The following HIPK2 variants were observed in gnomAD, a reference collection of about 807,000 sequenced individuals.
HIPK2 encodes homeodomain interacting protein kinase 2.
Under a neutral mutation model 113.7 loss-of-function variants are expected in HIPK2, and 27 were observed. The ratio of observed to expected loss-of-function variants is 0.24; its 90% CI spans 0.17 to 0.33. The LOEUF is 0.33. HIPK2 is among the 10% of genes least tolerant of loss of function. The probability of loss-of-function intolerance (pLI) is 1.00; values close to 1 mark genes in which losing one functional copy is unlikely to be tolerated. For synonymous variants in HIPK2, 631 were observed against 642.2 expected (o/e 0.98, Z 0.26); for missense variants, 1,257 against 1,588.0 (o/e 0.79, Z 3.54).
intron 1 of HIPK2, among the ~76,000 whole-genome samples, chr7:139,753,241 C>A (rs562041187): frequency 6.6e-6 from 1 of 152,324 alleles, no homozygotes; most frequent in East Asian, 1.9e-4. Context: ...CATTACCAGG[C>A]ATGCCCTCTG....
chr7:139,766,503 A>G (rs1348377330), intron 1 of HIPK2, among the ~76,000 whole-genome samples: 1 of 152,182 alleles, frequency 6.6e-6, no homozygotes, highest in African/African-American at 2.4e-5. Context: ...CAAGAGTGTC[A>G]CAGAAATCTG....
At chr7:139,732,853 G>T (rs1795836573) in intron 1 of HIPK2, among the ~76,000 whole-genome samples, 1 of 147,656 alleles carries the variant, frequency 6.8e-6, no homozygotes, top group Non-Finnish European at 1.5e-5. Flanking sequence ...GTATAAAATA[G>T]TGAGTCCCTG....
At chr7:139,758,535 A>T (rs890540161) in intron 1 of HIPK2, among the ~76,000 whole-genome samples, 1 of 152,168 alleles carries the variant, frequency 6.6e-6, no homozygotes, top group African/African-American at 2.4e-5. Flanking sequence ...GTTAGGAACC[A>T]GGCCACACAG....
intron 2 of HIPK2, among the ~76,000 whole-genome samples, chr7:139,692,873 A>G (rs1358127106): frequency 6.6e-6 from 1 of 152,250 alleles, no homozygotes; most frequent in Non-Finnish European, 1.5e-5. Context: ...GGCTTGCTTA[A>G]GGCCACATGC....
At chr7:139,692,874 G>A in intron 2 of HIPK2, among the ~76,000 whole-genome samples, 1 of 152,222 alleles carries the variant, frequency 6.6e-6, no homozygotes, top group East Asian at 1.9e-4. Flanking sequence ...GCTTGCTTAA[G>A]GCCACATGCC....
At chr7:139,759,961 A>C (rs1414995560) in intron 1 of HIPK2, among the ~76,000 whole-genome samples, 2 of 152,034 alleles carry the variant, frequency 1.3e-5, no homozygotes, top group African/African-American at 4.8e-5. Flanking sequence ...ATGATTTAAC[A>C]ATTTTTCACA....
chr7:139,600,567 T>C lies in HIPK2; in HGVS notation c.2285A>G (p.Asn762Ser). Residue 762 changes from asparagine to serine, a missense_variant, in exon 11 of 15, where the codon AAT (asparagine) becomes AGT (serine). Around this residue, in one of 5 missense-constraint regions of HIPK2, gnomAD observed 862 missense variants for 1,004.3 expected, o/e 0.86. Coordinates refer to ENST00000406875, the MANE Select transcript of HIPK2 (RefSeq NM_022740.5). Reference protein sequence around the residue: ...RNTHAHGSHYNPIMQQPALLT... With the variant: ...RNTHAHGSHYSPIMQQPALLT... ...TAGTGCAGGCTGCTGCATGATGGGA[T>C]TATAATGGCTTCCGTGAGCATGCGT... 1 of 1,613,938 alleles carries C rather than the reference T, an allele frequency of 6.2e-7. No individual in the cohort carries two copies.
rs868440420 is a variant in HIPK2, at chr7:139,658,738, T to C, written c.1104-27013A>G. On this transcript the variant is annotated intron_variant, in intron 2 of 14. Coordinates refer to ENST00000406875, the MANE Select transcript of HIPK2 (RefSeq NM_022740.5). ...TTGTTTTGTACATCCTAATTCTGAG[T>C]GCCCTTTTATTACAACTGCTTTCTG... Among the ~76,000 whole-genome samples the C allele has an allele frequency of 2.6e-5, 4 of 152,316 alleles. No individual in the cohort carries two copies. The South Asian group carries it at 8.3e-4, about 32-fold the overall frequency.
chr7:139,615,462 GAA>G (rs1015941276), intron 7 of HIPK2, among the ~76,000 whole-genome samples: 11 of 152,160 alleles, frequency 7.2e-5, no homozygotes, highest in Admixed American at 5.9e-4. Context: ...TTCTTTTTCA[GAA>G]AAAGACATCA....
chr7:139,611,149 C>A (rs971730847), intron 9 of HIPK2, among the ~76,000 whole-genome samples: 5 of 152,186 alleles, frequency 3.3e-5, no homozygotes, highest in Non-Finnish European at 7.3e-5. Context: ...GGGTTGGTAC[C>A]TGTCAAGTGA....
At chr7:139,740,217 G>A (rs564891543) in intron 1 of HIPK2, among the ~76,000 whole-genome samples, 62 of 152,268 alleles carry the variant, frequency 4.1e-4, no homozygotes, top group Middle Eastern at 3.4e-3. Context: ...TCTGTCCTTC[G>A]GTAAAATACC....
Position 139,602,230 on chromosome 7 carries a change from G to C in HIPK2, c.2256-1634C>G, listed in dbSNP as rs543077285. ...GGCTTCCCAAAGTGCTGGGATTACA[G>C]ACGTGAGCCACTGCATCCGACCAAG... On this transcript the variant is annotated intron_variant, in intron 10 of 14. Coordinates refer to ENST00000406875, the MANE Select transcript of HIPK2 (RefSeq NM_022740.5). Among the ~76,000 whole-genome samples, 181 of 152,290 alleles carry C rather than the reference G, an allele frequency of 1.2e-3. 1 individual carries two copies. In the Middle Eastern group the frequency reaches 0.014, roughly 11 times the overall value.
intron 9 of HIPK2, among the ~76,000 whole-genome samples, chr7:139,608,950 A>G (rs775123349): frequency 3.3e-5 from 5 of 152,230 alleles, no homozygotes; most frequent in Non-Finnish European, 5.9e-5. Flanking sequence ...TAAAGTAAAT[A>G]AGTAAAAAAT....
intron 2 of HIPK2, among the ~76,000 whole-genome samples, chr7:139,700,591 C>T (rs1484703944): frequency 2.6e-5 from 4 of 152,136 alleles, no homozygotes; most frequent in Non-Finnish European, 5.9e-5. Context: ...GAAATCTGCA[C>T]GTTTACAGTT....
rs139580154 is a variant in HIPK2 at position 139,565,519 on chromosome 7, T to A, written c.*7408A>T. On this transcript the variant is annotated 3_prime_UTR_variant, in exon 15 of 15. Coordinates refer to ENST00000406875, the MANE Select transcript of HIPK2 (RefSeq NM_022740.5). ...TTTCTACATTCTCACCATCTTTCAA[T>A]CAAAATAAAAATGCATCTGTATTTC... The A allele has an allele frequency of 6.6e-6, 1 of 152,170 alleles. No homozygotes were observed. The highest frequency in any genetic ancestry group is 1.5e-5 in the Non-Finnish European group (1 of 68,018). The allele number at this position is 152,170 out of a possible 1,614,324, so 9.4% of individuals were successfully genotyped here. A position where few individuals can be genotyped will look rare whatever the true frequency, so the allele number is the denominator to read the frequency against.
At chr7:139,753,143 A>T (rs868242306) in intron 1 of HIPK2, among the ~76,000 whole-genome samples, 2 of 152,184 alleles carry the variant, frequency 1.3e-5, no homozygotes, top group Non-Finnish European at 2.9e-5. Context: ...CTTTGCACAC[A>T]GTGGGCCCCC....
At chr7:139,621,018 G>T (rs1343251370) in intron 6 of HIPK2, among the ~76,000 whole-genome samples, 1 of 152,154 alleles carries the variant, frequency 6.6e-6, no homozygotes. Flanking sequence ...GCTACCCTGG[G>T]TCACCAGCAC....
chr7:139,716,746 A>T lies in HIPK2; in HGVS notation c.289T>A (p.Ser97Thr). ...CCGGTGACAGAAGTGCTGCTTGCTG[A>T]GGTGACCACGATGTGCCCGGTGCTT... ...PGSTGHIVVTSASSTSVTGQV... is the reference protein window; with the variant it reads ...PGSTGHIVVTTASSTSVTGQV... The change falls in exon 2 of 15, where the codon TCA (serine) becomes ACA (threonine). Residue 97 changes from serine (S) to threonine (T), a missense_variant. By Grantham distance (58) the Ser-to-Thr change is moderately conservative (BLOSUM62 1). Coordinates refer to ENST00000406875, the MANE Select transcript of HIPK2 (RefSeq NM_022740.5). This position sits in a 1 kb window ranked among gnomAD's most constrained non-coding sequence, Gnocchi z 9.3. The T allele has an allele frequency of 6.2e-7, 1 of 1,613,838 alleles. No homozygotes were observed. Among genetic ancestry groups the T allele is most frequent in the Admixed American group, 1.7e-5 (1 of 60,012 alleles).
Position 139,572,735 on chromosome 7 carries a change from T to C in HIPK2, c.*192A>G. ...TCCCACTTCCCGGTTCAAGTTTCAC[T>C]GGTGTCCCGACCCGTCCCCCTGCCC... On this transcript the variant is annotated 3_prime_UTR_variant, in exon 15 of 15. Transcript: ENST00000406875. The C allele has an allele frequency of 2.0e-6, 1 of 509,526 alleles. No homozygotes were observed. The highest frequency in any genetic ancestry group is 3.4e-6 in the Non-Finnish European group (1 of 297,502). The allele number at this position is 509,526 out of a possible 1,614,324, so 31.6% of individuals were successfully genotyped here. A position where few individuals can be genotyped will look rare whatever the true frequency, so the allele number is the denominator to read the frequency against.
Sources: gnomAD v4.1 joint callset for allele counts (sites outside exome capture counted in the v4.1 genomes callset) on GRCh38, gnomAD v4.1.1 for gene constraint, gnomAD v4.1.1 regional missense constraint, Gnocchi (gnomAD v3.1) non-coding constraint, MANE v1.5 for transcripts, NCBI Gene and HGNC (gene_info 2026-07-23, HGNC 2026-07-21) for gene names.